EYS: variants seen among roughly 807,000 people sequenced by gnomAD.
The protein encoded by EYS is EGF-like photoreceptor maintenance factor, also known as protein eyes shut homolog.
In EYS, 250 loss-of-function variants were observed where a neutral mutation model predicts 282.1. That is an observed-to-expected ratio of 0.89 (90% confidence interval 0.80 to 0.98). The LOEUF (loss-of-function observed/expected upper bound fraction) is 0.98, where lower values mean the gene tolerates loss of function less well. Among genes scored for constraint, EYS ranks in the 50% least tolerant of loss-of-function variants. EYS has a pLI of 0.00. For missense variants in EYS, 4,016 were observed against 3,709.0 expected (o/e 1.08, Z -2.15); for synonymous variants, 1,355 against 1,282.9 (o/e 1.06, Z -1.20).
At chr6:64,967,505 A>G (rs1387430942) in intron 14 of EYS, among the ~76,000 whole-genome samples, 3 of 151,990 alleles carry the variant, frequency 2.0e-5, no homozygotes, top group Non-Finnish European at 4.4e-5. Flanking sequence ...TTTAGTAGAG[A>G]TGGGGTTTCG....
chr6:64,957,124 A>C (rs1769736092), intron 14 of EYS, among the ~76,000 whole-genome samples: 1 of 152,314 alleles, frequency 6.6e-6, no homozygotes, highest in Non-Finnish European at 1.5e-5. Context: ...CTTCACTTCC[A>C]TGTTTGTTGC....
At chr6:65,124,706 T>C (rs985540804) in intron 12 of EYS, among the ~76,000 whole-genome samples, 5 of 152,160 alleles carry the variant, frequency 3.3e-5, no homozygotes, top group African/African-American at 1.2e-4. Flanking sequence ...ACACAAATCT[T>C]GTACATCTCC....
intron 35 of EYS, 50 bp from the exon 36 acceptor site, chr6:63,864,408 C>T (rs988154192): frequency 7.1e-7 from 1 of 1,410,326 alleles, no homozygotes; most frequent in Non-Finnish European, 9.8e-7. Context: ...CTGATATTTT[C>T]TACACACATA....
At chr6:64,840,081 C>G (rs1212540837) in intron 19 of EYS, among the ~76,000 whole-genome samples, 6 of 151,970 alleles carry the variant, frequency 3.9e-5, no homozygotes, top group Admixed American at 3.3e-4. Context: ...TGGTTATGAA[C>G]TCAAATATGG....
chr6:64,582,348 G>A (rs1766097579), intron 26 of EYS, among the ~76,000 whole-genome samples: 1 of 152,100 alleles, frequency 6.6e-6, no homozygotes, highest in Non-Finnish European at 1.5e-5. Flanking sequence ...TGCTTCTGAT[G>A]AGAATCTAAC....
At chr6:64,304,354 T>C (rs780075711) in intron 30 of EYS, among the ~76,000 whole-genome samples, 140 of 152,188 alleles carry the variant, frequency 9.2e-4, no homozygotes, top group Non-Finnish European at 2.5e-4. Flanking sequence ...GAGAATTAAA[T>C]AGCCACTCTC....
chr6:64,194,146 C>T (rs1353656450), intron 31 of EYS, among the ~76,000 whole-genome samples: 1 of 152,134 alleles, frequency 6.6e-6, no homozygotes, highest in Non-Finnish European at 1.5e-5. Flanking sequence ...GCTGGGATTA[C>T]AGACATGAGC....
intron 22 of EYS, among the ~76,000 whole-genome samples, chr6:64,670,513 T>C (rs1458512325): frequency 6.6e-6 from 1 of 152,144 alleles, no homozygotes; most frequent in Non-Finnish European, 1.5e-5. Context: ...ACCTTTGCTT[T>C]ATTATTATTG....
intron 39 of EYS, among the ~76,000 whole-genome samples, chr6:63,782,689 T>C (rs1025480835): frequency 4.6e-5 from 7 of 152,200 alleles, no homozygotes; most frequent in Non-Finnish European, 8.8e-5. Flanking sequence ...TGTTGATCTT[T>C]TCAAAAAACC....
chr6:64,150,692 A>T (rs1178108393), intron 31 of EYS, among the ~76,000 whole-genome samples: 1 of 149,982 alleles, frequency 6.7e-6, no homozygotes, highest in African/African-American at 2.5e-5. Context: ...AGCGTTAAAC[A>T]TATAAAAAAA....
intron 22 of EYS, among the ~76,000 whole-genome samples, chr6:64,726,624 A>G (rs1771767244): frequency 6.6e-6 from 1 of 152,144 alleles, no homozygotes; most frequent in Admixed American, 6.5e-5. Context: ...AAATAGAAGA[A>G]TTTATCCCTG....
intron 1 of EYS, among the ~76,000 whole-genome samples, chr6:65,684,558 T>C (rs2149840032): frequency 6.6e-6 from 1 of 152,170 alleles, no homozygotes; most frequent in South Asian, 2.1e-4. Context: ...TTTGTGTGTG[T>C]TCTAGAGAAT....
chr6:64,985,176 A>C (rs1770813574), intron 14 of EYS, among the ~76,000 whole-genome samples: 1 of 151,566 alleles, frequency 6.6e-6, no homozygotes, highest in African/African-American at 2.4e-5. Context: ...ATGCCACTGA[A>C]GACCATCCTT....
At chr6:64,227,074 G>A (rs747918660) in intron 31 of EYS, among the ~76,000 whole-genome samples, 2 of 151,834 alleles carry the variant, frequency 1.3e-5, no homozygotes, top group Non-Finnish European at 2.9e-5. Context: ...AGATGTCTAC[G>A]CAATTATATA....
chr6:64,484,484 G>C (rs376832314), intron 26 of EYS, among the ~76,000 whole-genome samples: 11 of 151,630 alleles, frequency 7.3e-5, no homozygotes, highest in African/African-American at 2.7e-4. Flanking sequence ...TGGCTTGGTT[G>C]GCCTTAGGTA....
intron 22 of EYS, among the ~76,000 whole-genome samples, chr6:64,690,824 T>C (rs962256613): frequency 2.6e-5 from 4 of 151,400 alleles, no homozygotes; most frequent in African/African-American, 4.8e-5. Context: ...CACTGGGGCC[T>C]GTCCTGGGGT....
intron 2 of EYS, among the ~76,000 whole-genome samples, chr6:65,594,374 G>A (rs1372048737): frequency 1.3e-5 from 2 of 151,882 alleles, no homozygotes; most frequent in Non-Finnish European, 2.9e-5. Flanking sequence ...TTTGTATCCT[G>A]TACAGGATTT....
intron 12 of EYS, among the ~76,000 whole-genome samples, chr6:65,164,910 G>A (rs1764936243): frequency 6.6e-6 from 1 of 151,078 alleles, no homozygotes; most frequent in South Asian, 2.1e-4. Flanking sequence ...TTCTTATAAG[G>A]ACACCACTCA....
intron 12 of EYS, among the ~76,000 whole-genome samples, chr6:65,175,193 T>C (rs1765196567): frequency 6.6e-6 from 1 of 151,336 alleles, no homozygotes; most frequent in African/African-American, 2.4e-5. Context: ...AAGGAAAGGA[T>C]GTTTTAAGGT....
Sources: allele counts gnomAD v4.1 joint callset (sites outside exome capture counted in the v4.1 genomes callset), GRCh38; gene constraint gnomAD v4.1.1; transcripts MANE v1.5; gene names NCBI Gene and HGNC (gene_info 2026-07-23, HGNC 2026-07-21).